The following ADAM32 variants were observed in gnomAD, a reference collection of about 807,000 sequenced individuals.
The protein encoded by ADAM32 is disintegrin and metalloproteinase domain-containing protein 32.
In ADAM32, 89 loss-of-function variants were observed where a neutral mutation model predicts 114.9. That is an observed-to-expected ratio of 0.77 (90% confidence interval 0.65 to 0.92). The LOEUF (loss-of-function observed/expected upper bound fraction) is 0.92, where lower values mean the gene tolerates loss of function less well. Ranked by LOEUF, ADAM32 falls within the 40% of genes least tolerant of loss-of-function variation. ADAM32 has a pLI of 0.00. For missense variants in ADAM32, 870 were observed against 932.8 expected, an observed-to-expected ratio of 0.93 and a Z score of 0.88; for synonymous variants, 285 against 307.5, an observed-to-expected ratio of 0.93 and a Z score of 0.77.
At chr8:39,267,809 T>A (rs1361601234) in intron 19 of ADAM32, among the ~76,000 whole-genome samples, 1 of 152,210 alleles carries the variant, frequency 6.6e-6, no homozygotes, top group African/African-American at 2.4e-5. Flanking sequence ...GGAATGCGGT[T>A]ACACTGGTGG....
chr8:39,122,491 G>A (rs1372400663), intron 2 of ADAM32, among the ~76,000 whole-genome samples: 9 of 152,206 alleles, frequency 5.9e-5, no homozygotes, highest in African/African-American at 9.6e-5. Context: ...CCTACACGCC[G>A]TAAAGAGAGG....
intron 11 of ADAM32, among the ~76,000 whole-genome samples, chr8:39,194,008 G>A (rs1585506325): frequency 6.6e-6 from 1 of 152,282 alleles, no homozygotes; most frequent in East Asian, 1.9e-4. Context: ...GCGGCACAGT[G>A]GGGTGCATGC....
intron 11 of ADAM32, among the ~76,000 whole-genome samples, chr8:39,199,053 T>G (rs1807206610): frequency 6.6e-6 from 1 of 152,238 alleles, no homozygotes; most frequent in Non-Finnish European, 1.5e-5. Flanking sequence ...TCCTGGCCTA[T>G]AAGGTTTCTG....
chr8:39,112,067 A>G (rs1299213539), intron 1 of ADAM32, among the ~76,000 whole-genome samples: 3 of 152,186 alleles, frequency 2.0e-5, no homozygotes, highest in Non-Finnish European at 4.4e-5. Context: ...ATTACATTCA[A>G]AATGAAGTAA....
intron 19 of ADAM32, among the ~76,000 whole-genome samples, chr8:39,266,008 G>A (rs1206334710): frequency 6.6e-6 from 1 of 152,200 alleles, no homozygotes; most frequent in Non-Finnish European, 1.5e-5. Context: ...CTTCAGACTT[G>A]TAAGGTTTCT....
chr8:39,145,884 C>T (rs760121184), intron 3 of ADAM32, among the ~76,000 whole-genome samples: 24 of 152,072 alleles, frequency 1.6e-4, no homozygotes, highest in Non-Finnish European at 3.2e-4. Context: ...GAGCAGACCA[C>T]CACACCTGGC....
chr8:39,150,762 A>G (rs1369224396), intron 5 of ADAM32, among the ~76,000 whole-genome samples: 2 of 152,220 alleles, frequency 1.3e-5, no homozygotes, highest in Non-Finnish European at 2.9e-5. Flanking sequence ...TCACAGAAAA[A>G]TAGTGATACA....
At chr8:39,174,646 C>T (rs1183550711) in intron 10 of ADAM32, among the ~76,000 whole-genome samples, 26 of 146,186 alleles carry the variant, frequency 1.8e-4, no homozygotes, top group Admixed American at 6.8e-5. Context: ...TCTCCCAGTG[C>T]TATCCCTCCC....
chr8:39,173,266 A>C (rs1477970317), intron 10 of ADAM32, among the ~76,000 whole-genome samples: 2 of 152,230 alleles, frequency 1.3e-5, no homozygotes, highest in Non-Finnish European at 2.9e-5. Context: ...CTCAAAAACA[A>C]ACAAGCAAAC....
At chr8:39,146,411 A>ATTT (rs367827964) in intron 3 of ADAM32, among the ~76,000 whole-genome samples, 5,518 of 138,746 alleles carry the variant, frequency 0.04, 389 homozygotes, top group African/African-American at 0.13. Context: ...TGTCTATTAA[A>ATTT]TTTTTTTTTT....
chr8:39,235,292 A>G (rs1175980920), intron 16 of ADAM32, among the ~76,000 whole-genome samples: 1 of 152,182 alleles, frequency 6.6e-6, no homozygotes, highest in African/African-American at 2.4e-5. Flanking sequence ...TTTAAGAAAT[A>G]ATTTAATATT....
In ADAM32 at chr8:39,136,667, C is replaced by G. The variant is rs201616533; in HGVS notation, c.149C>G (p.Ser50Cys). ...TTTTGAATTCTCTAGGAACAAATAT[C>G]CTATATTATTCCAATAGATGAGAAA... Reference protein sequence around the residue: ...DSSEIEYEQISYIIPIDEKLY... With the variant: ...DSSEIEYEQICYIIPIDEKLY... Residue 50 changes from serine to cysteine, a missense_variant, in exon 3 of 25, where the codon TCC becomes TGC. By Grantham distance (112) the Ser-to-Cys change is moderately radical (BLOSUM62 -1). Coordinates refer to ENST00000379907, the MANE Select transcript of ADAM32 (RefSeq NM_145004.7). 184 of 1,538,514 alleles carry G rather than the reference C, an allele frequency of 1.2e-4. No individual in the cohort carries two copies. Among genetic ancestry groups the G allele is most frequent in the Non-Finnish European group, 2.9e-5 (33 of 1,141,670 alleles).
At chr8:39,273,395 C>T (rs1200802394) in intron 20 of ADAM32, among the ~76,000 whole-genome samples, 2 of 151,984 alleles carry the variant, frequency 1.3e-5, no homozygotes, top group Non-Finnish European at 2.9e-5. Flanking sequence ...GGCGTGGTGG[C>T]ACATGCCTGT....
rs908166625 is a variant in ADAM32, at chr8:39,126,099, C to A, written c.138+7934C>A. On this transcript the variant is annotated intron_variant, in intron 2 of 24. Coordinates refer to ENST00000379907, the MANE Select transcript of ADAM32 (RefSeq NM_145004.7). ...AGTTTGAGGTCATGTAGCATGATGC[C>A]TTCAGCTTCGTTCTTCTTGCTCGAG... 2.0e-5 allele frequency among the ~76,000 whole-genome samples: 3 copies of A among 152,264 alleles called. No homozygotes were observed. The East Asian group carries it at 5.8e-4, about 29-fold the overall frequency.
chr8:39,250,085 G>C (rs1811190630), intron 17 of ADAM32, among the ~76,000 whole-genome samples: 1 of 151,854 alleles, frequency 6.6e-6, no homozygotes, highest in South Asian at 2.1e-4. Flanking sequence ...ATTTTTTTGT[G>C]GTAGGGGTTG....
At position 39,120,017 on chromosome 8, in the gene ADAM32, A is replaced by G. The variant is rs184657867; in HGVS notation, c.138+1852A>G. On this transcript the variant is annotated intron_variant, in intron 2 of 24. Transcript: ENST00000379907. ...TACAAACTGAAGGTCATGAAAGGAT[A>G]CAACAAGAAGGCAGCTGTCTGCAAG... Among the ~76,000 whole-genome samples the G allele has an allele frequency of 1.1e-3, 173 of 152,366 alleles. 1 individual carries two copies. Among genetic ancestry groups the G allele is most frequent in the African/African-American group, 3.7e-3 (153 of 41,590 alleles).
At chr8:39,249,009 T>A (rs1811114144) in intron 17 of ADAM32, among the ~76,000 whole-genome samples, 1 of 151,834 alleles carries the variant, frequency 6.6e-6, no homozygotes, top group African/African-American at 2.4e-5. Flanking sequence ...TTCACGCCAT[T>A]CTCCTGCTTC....
At chr8:39,169,559 A>T (rs1280912764) in intron 9 of ADAM32, 1 of 162,056 alleles carries the variant, frequency 6.2e-6, no homozygotes, top group South Asian at 1.9e-4. Flanking sequence ...GGAGCAACAT[A>T]TTTTAATCTA....
At chr8:39,250,852 GGTA>G (rs1811240458) in intron 17 of ADAM32, among the ~76,000 whole-genome samples, 1 of 151,766 alleles carries the variant, frequency 6.6e-6, no homozygotes, top group Non-Finnish European at 1.5e-5. Context: ...TCTGGCCTCT[GGTA>G]ACCACCCACC....
Sources: gnomAD v4.1 joint callset for allele counts (sites outside exome capture counted in the v4.1 genomes callset) on GRCh38, gnomAD v4.1.1 for gene constraint, MANE v1.5 for transcripts, NCBI Gene and HGNC (gene_info 2026-07-23, HGNC 2026-07-21) for gene names.